Variants in DNAH14 observed in about 807,000 individuals in gnomAD.
DNAH14 encodes the protein axonemal beta dynein heavy chain 14.
In DNAH14, 478 loss-of-function variants were observed where a neutral mutation model predicts 520.9. That is an observed-to-expected ratio of 0.92 (90% CI 0.85 to 0.99). The LOEUF (loss-of-function observed/expected upper bound fraction) is 0.99. DNAH14 is among the 50% of genes least tolerant of loss of function. DNAH14 has a pLI of 0.00. For synonymous variants in DNAH14, 1,581 were observed against 1,757.2 expected (o/e 0.90, Z 2.51); for missense variants, 4,831 against 5,234.5 (o/e 0.92, Z 2.38).
At chr1:225,168,549 A>T (rs1002426385) in intron 36 of DNAH14, among the ~76,000 whole-genome samples, 1 of 152,222 alleles carries the variant, frequency 6.6e-6, no homozygotes, top group Admixed American at 6.5e-5. Flanking sequence ...AGCCTCACTC[A>T]TGGCTAGCAC....
intron 3 of DNAH14, among the ~76,000 whole-genome samples, chr1:224,958,959 C>T (rs2060680625): frequency 6.6e-6 from 1 of 151,840 alleles, no homozygotes; most frequent in Non-Finnish European, 1.5e-5. Flanking sequence ...AGAAAGAGGG[C>T]AAGTTGTTAT....
At chr1:225,258,305 A>G (rs1047078844) in intron 45 of DNAH14, among the ~76,000 whole-genome samples, 187 bp downstream of exon 45, 2 of 152,194 alleles carry the variant, frequency 1.3e-5, no homozygotes, top group South Asian at 4.1e-4. Context: ...CCAAAATAGG[A>G]CATTATAAAT....
chr1:225,360,902 TACATTTATCTGTAA>T lies in DNAH14; in HGVS notation c.11987+12_11987+25del, dbSNP rs2095485329. ...CACAATTGTAGAATCGTAAGAGTTT[TACATTTATCTGTAA>T]GGGATCAGATTGGTTACCAAAACTA... On this transcript the variant is annotated intron_variant, in intron 75 of 85. Coordinates refer to ENST00000682510, the MANE Select transcript of DNAH14 (RefSeq NM_001367479.1). 1 of 1,550,078 alleles carries T rather than the reference TACATTTATCTGTAA, an allele frequency of 6.5e-7. No individual in the cohort carries two copies. The highest frequency in any genetic ancestry group is 8.7e-7 in the Non-Finnish European group (1 of 1,145,618).
At chr1:225,254,499 G>A (rs950853307) in intron 44 of DNAH14, among the ~76,000 whole-genome samples, 9 of 152,182 alleles carry the variant, frequency 5.9e-5, no homozygotes, top group African/African-American at 2.2e-4. Context: ...CAGACCATGT[G>A]CTGTAACTCT....
intron 17 of DNAH14, among the ~76,000 whole-genome samples, chr1:225,057,470 G>T (rs2069285758): frequency 6.6e-6 from 1 of 152,148 alleles, no homozygotes; most frequent in Non-Finnish European, 1.5e-5. Context: ...CATGTCATCT[G>T]CAAACAGGGA....
intron 74 of DNAH14, among the ~76,000 whole-genome samples, chr1:225,359,658 GGCTAGAT>G (rs1366076205): frequency 2.0e-5 from 3 of 152,088 alleles, no homozygotes; most frequent in African/African-American, 7.2e-5. Flanking sequence ...CAAAGCACTT[GGCTAGAT>G]GCCTGACACA....
rs1023134543 is a variant in DNAH14 at position 225,399,285 on chromosome 1, C to T, written c.*16C>T. On this transcript the variant is annotated 3_prime_UTR_variant, in exon 86 of 86. Coordinates refer to ENST00000682510, the MANE Select transcript of DNAH14 (RefSeq NM_001367479.1). ...TGAAAAATAAATGTCCATATCAAAC[C>T]ATTTTAATTTTTGACTCTAATCAGA... is the stretch of plus-strand genomic sequence containing the variant. The T allele has an allele frequency of 2.6e-6, 4 of 1,534,332 alleles. No homozygotes were observed. In the East Asian group the frequency reaches 7.3e-5, roughly 28 times the overall value.
intron 43 of DNAH14, among the ~76,000 whole-genome samples, chr1:225,252,029 A>T (rs2092573468): frequency 6.6e-6 from 1 of 152,194 alleles, no homozygotes; most frequent in Non-Finnish European, 1.5e-5. Flanking sequence ...AACACATGGT[A>T]ATAATCAAAA....
intron 42 of DNAH14, among the ~76,000 whole-genome samples, chr1:225,239,320 G>A (rs1228599495): frequency 6.6e-6 from 1 of 152,162 alleles, no homozygotes; most frequent in Non-Finnish European, 1.5e-5. Flanking sequence ...GGTGGCATGG[G>A]CTCACGGGGG....
chr1:225,082,171 G>GGT (rs56658194), intron 19 of DNAH14, among the ~76,000 whole-genome samples: 13,739 of 145,284 alleles, frequency 0.095, 2,027 homozygotes, highest in African/African-American at 0.32. Context: ...GAATGTTTGT[G>GGT]GTGTGTGTGT....
intron 23 of DNAH14, among the ~76,000 whole-genome samples, chr1:225,113,295 G>A (rs2076619410): frequency 1.3e-5 from 2 of 152,200 alleles, no homozygotes; most frequent in Non-Finnish European, 1.5e-5. Flanking sequence ...TTACCAAGCA[G>A]AGATTCTTGT....
intron 37 of DNAH14, among the ~76,000 whole-genome samples, chr1:225,185,953 T>TTG (rs2084665267): frequency 6.7e-6 from 1 of 149,280 alleles, no homozygotes; most frequent in Non-Finnish European, 1.5e-5. Context: ...TTTGTTTTTT[T>TTG]TTTTTTTTTT....
chr1:225,142,329 G>A (rs2079533964), intron 28 of DNAH14, among the ~76,000 whole-genome samples: 1 of 152,146 alleles, frequency 6.6e-6, no homozygotes, highest in Non-Finnish European at 1.5e-5. Context: ...CCACCATAGA[G>A]AATTCACAAG....
Position 224,960,246 on chromosome 1 carries a change from A to C in DNAH14, c.311A>C (p.Gln104Pro), listed in dbSNP as rs1481596664. 6.2e-7 allele frequency: 1 copy of C among 1,611,994 alleles called. No individual in the cohort carries two copies. Among genetic ancestry groups the C allele is most frequent in the Admixed American group, 1.7e-5 (1 of 59,610 alleles). Residue 104 changes from glutamine (Q) to proline (P), a missense_variant, in exon 4 of 86, where the codon CAA becomes CCA. Gln to Pro is a moderately conservative substitution (Grantham distance 76, BLOSUM62 -1). Coordinates refer to ENST00000682510, the MANE Select transcript of DNAH14 (RefSeq NM_001367479.1). The stretch of plus-strand genomic sequence containing the variant: ...GGGAAGTCAAGGAGAAAAAAGGATC[A>C]AACTCATGCTTGTCCAAATGTTAGG... ...EKGKSRRKKD[Q>P]THACPNVRKA...
In DNAH14 at chr1:225,316,855, C is replaced by G. The variant is rs554743548; in HGVS notation, c.9241-1728C>G. ...AATACTTTTTTCTACGTTTTCTCAC[C>G]GCATACTCTGTGATCATTTCTTCAT... On this transcript the variant is annotated intron_variant, in intron 60 of 85. Transcript: ENST00000682510. 1.9e-4 allele frequency among the ~76,000 whole-genome samples: 29 copies of G among 152,244 alleles called. 1 individual carries two copies. In the South Asian group the frequency reaches 6.0e-3, roughly 32 times the overall value.
At chr1:225,083,894 G>A (rs16843107) in intron 20 of DNAH14, among the ~76,000 whole-genome samples, 4,186 of 152,220 alleles carry the variant, frequency 0.027, 89 homozygotes, top group Middle Eastern at 0.044. Context: ...CCAGTCTTGG[G>A]TTATTGGAAC....
intron 10 of DNAH14, among the ~76,000 whole-genome samples, chr1:225,015,579 T>C (rs992286940): frequency 3.3e-5 from 5 of 152,220 alleles, no homozygotes; most frequent in African/African-American, 1.2e-4. Context: ...GACGAACTTA[T>C]TCTGTTTGGG....
intron 8 of DNAH14, among the ~76,000 whole-genome samples, chr1:224,996,311 A>C (rs2063389257): frequency 6.7e-6 from 1 of 150,012 alleles, no homozygotes; most frequent in Non-Finnish European, 1.5e-5. Context: ...ATGCCACCAC[A>C]TCCACTGAAT....
intron 9 of DNAH14, among the ~76,000 whole-genome samples, chr1:225,006,586 C>A (rs2064188565): frequency 6.6e-6 from 1 of 152,138 alleles, no homozygotes; most frequent in Non-Finnish European, 1.5e-5. Flanking sequence ...TCCTGCAGCG[C>A]CCTCAGGCTT....
Sources: gnomAD v4.1 joint callset for allele counts (sites outside exome capture counted in the v4.1 genomes callset) on GRCh38, gnomAD v4.1.1 for gene constraint, MANE v1.5 for transcripts, NCBI Gene and HGNC (gene_info 2026-07-23, HGNC 2026-07-21) for gene names.